Variants in DOCK9 observed in about 807,000 individuals in gnomAD.
The protein encoded by DOCK9 is dedicator of cytokinesis protein 9.
In DOCK9, 89 loss-of-function variants were observed where a neutral mutation model predicts 263.3. The ratio of observed to expected loss-of-function variants is 0.34; its 90% confidence interval spans 0.28 to 0.40. The LOEUF (loss-of-function observed/expected upper bound fraction) is 0.40, where lower values mean the gene tolerates loss of function less well. DOCK9 is among the 10% of genes least tolerant of loss of function. The pLI is 1.00. For synonymous variants in DOCK9, 976 were observed against 973.1 expected, an observed-to-expected ratio of 1.00 and a Z score of -0.06; for missense variants, 2,140 against 2,603.4, an observed-to-expected ratio of 0.82 and a Z score of 3.87.
At chr13:99,075,130 C>T (rs1338480478) in intron 1 of DOCK9, among the ~76,000 whole-genome samples, 1 of 152,010 alleles carries the variant, frequency 6.6e-6, no homozygotes, top group East Asian at 1.9e-4. Flanking sequence ...ATTTGTGTAT[C>T]ATTTACAGTA....
intron 9 of DOCK9, among the ~76,000 whole-genome samples, chr13:98,911,282 C>A (rs187724346): frequency 1.3e-5 from 2 of 152,320 alleles, no homozygotes; most frequent in Admixed American, 1.3e-4. Context: ...ATTCATTTTT[C>A]AGGTTTTGAC....
intron 1 of DOCK9, among the ~76,000 whole-genome samples, chr13:98,972,192 T>C (rs1203217242): frequency 6.6e-6 from 1 of 151,938 alleles, no homozygotes; most frequent in African/African-American, 2.4e-5. Context: ...CCTCCTAGAG[T>C]TGTGAGGATT....
chr13:98,846,923 C>CCTG, intron 37 of DOCK9: 1 of 275,932 alleles, frequency 3.6e-6, no homozygotes, highest in Non-Finnish European at 7.1e-6. Flanking sequence ...CAGAGCATAT[C>CCTG]TTTCCACAGT....
At chr13:98,888,971 G>A (rs2046218729) in intron 15 of DOCK9, among the ~76,000 whole-genome samples, 1 of 152,148 alleles carries the variant, frequency 6.6e-6, no homozygotes, top group Admixed American at 6.5e-5. Context: ...TTTAAAACCA[G>A]ATATGTATTA....
intron 1 of DOCK9, among the ~76,000 whole-genome samples, chr13:99,080,904 C>T (rs2042098649): frequency 6.6e-6 from 1 of 152,210 alleles, no homozygotes; most frequent in Admixed American, 6.5e-5. Context: ...AGCAGGGAGC[C>T]CTGCCCCAGG....
At position 98,863,039 on chromosome 13, in the gene DOCK9, A is replaced by G; in HGVS notation, c.3559T>C (p.Phe1187Leu). The G allele has an allele frequency of 6.2e-7, 1 of 1,609,742 alleles. No individual in the cohort carries two copies. Among genetic ancestry groups the G allele is most frequent in the Non-Finnish European group, 8.5e-7 (1 of 1,178,172 alleles). ...QRINVRDVSP[F>L]PVNAGMTVKD... ...CGTACCATGCCCGCGTTCACAGGGA[A>G]GGGTGACACATCCCTCACATTGATC... Residue 1187 changes from phenylalanine to leucine, a missense_variant, in exon 32 of 53, where the codon TTC (phenylalanine) becomes CTC (leucine). Phe to Leu is a conservative substitution (Grantham distance 22). Around this residue, in one of 2 missense-constraint regions of DOCK9, gnomAD observed 1,521 missense variants for 1,741.7 expected, o/e 0.87. Transcript: ENST00000682017.
intron 49 of DOCK9, among the ~76,000 whole-genome samples, chr13:98,801,166 G>A (rs2090065613): frequency 6.6e-6 from 1 of 152,178 alleles, no homozygotes; most frequent in Non-Finnish European, 1.5e-5. Flanking sequence ...GTATATGCCT[G>A]TAGTCCCAGC....
At chr13:98,848,013 T>C (rs1594637897) in intron 37 of DOCK9, among the ~76,000 whole-genome samples, 1 of 152,190 alleles carries the variant, frequency 6.6e-6, no homozygotes, top group East Asian at 1.9e-4. Flanking sequence ...GTGACGCTAC[T>C]CACCAGGGAG....
At chr13:98,984,749 A>T (rs1878040317) in intron 1 of DOCK9, among the ~76,000 whole-genome samples, 1 of 152,160 alleles carries the variant, frequency 6.6e-6, no homozygotes, top group African/African-American at 2.4e-5. Flanking sequence ...CATTAGAAAA[A>T]GTCACTTCAC....
At chr13:99,052,828 T>C (rs2040762758) in intron 1 of DOCK9, among the ~76,000 whole-genome samples, 1 of 152,098 alleles carries the variant, frequency 6.6e-6, no homozygotes. Flanking sequence ...TCTTTGCCCA[T>C]TTTTTAACTG....
chr13:98,820,464 A>G (rs1370522397), intron 45 of DOCK9, among the ~76,000 whole-genome samples: 1 of 152,224 alleles, frequency 6.6e-6, no homozygotes, highest in East Asian at 1.9e-4. Flanking sequence ...TAGTGTAAGA[A>G]AGAATTCAGG....
intron 1 of DOCK9, among the ~76,000 whole-genome samples, chr13:98,973,204 G>A (rs1268670661): frequency 6.6e-6 from 1 of 152,172 alleles, no homozygotes; most frequent in Non-Finnish European, 1.5e-5. Context: ...AGGGCAGAAA[G>A]GCTATTGTCT....
Position 98,829,813 on chromosome 13 carries a change from G to T in DOCK9, c.4636-57C>A, listed in dbSNP as rs1227926688. On this transcript the variant is annotated intron_variant, in intron 41 of 52. Coordinates refer to ENST00000682017, the MANE Select transcript of DOCK9 (RefSeq NM_001366683.2). This position sits in a 1 kb window ranked among gnomAD's most constrained non-coding sequence, Gnocchi z 4.1. ...TTACCTTCAAATGACTGCCCAGGCT[G>T]GGCTTCTGCGTTCAGTTAGGATGTG... The T allele has an allele frequency of 4.1e-6, 6 of 1,465,954 alleles. No homozygotes were observed. The highest frequency in any genetic ancestry group is 5.6e-6 in the Non-Finnish European group (6 of 1,069,356). The allele number at this position is 1,465,954 out of a possible 1,614,324, so 90.8% of individuals were successfully genotyped here.
chr13:99,047,944 G>A (rs2040512995), intron 1 of DOCK9, among the ~76,000 whole-genome samples: 1 of 151,986 alleles, frequency 6.6e-6, no homozygotes, highest in Non-Finnish European at 1.5e-5. Context: ...CTGCCCTCCT[G>A]TATAATACCC....
chr13:99,015,011 C>T (rs564504611), intron 1 of DOCK9, among the ~76,000 whole-genome samples: 17 of 152,322 alleles, frequency 1.1e-4, no homozygotes, highest in Admixed American at 2.6e-4. Flanking sequence ...TTCTCCCCCC[C>T]GCATCAAGGA....
intron 30 of DOCK9, among the ~76,000 whole-genome samples, chr13:98,865,519 G>A (rs1188785157): frequency 6.6e-6 from 1 of 152,220 alleles, no homozygotes; most frequent in African/African-American, 2.4e-5. Flanking sequence ...TGTCAGTGTA[G>A]TAAGGCAAAT....
Position 98,794,317 on chromosome 13 carries a change from T to C in DOCK9, c.*309A>G. The C allele has an allele frequency of 3.4e-6, 1 of 295,784 alleles. No homozygotes were observed. Among genetic ancestry groups the C allele is most frequent in the African/African-American group, 2.1e-5 (1 of 46,596 alleles). 18.3% of individuals were successfully genotyped at this position (295,784 alleles called of 1,614,324 possible). On this transcript the variant is annotated 3_prime_UTR_variant, in exon 53 of 53. Transcript: ENST00000682017. ...TAGATCCCAGAACCTTTTTTTTCTG[T>C]AGGCCATCTATTCTAACACTACTCT...
intron 1 of DOCK9, among the ~76,000 whole-genome samples, chr13:99,054,276 C>G (rs947658706): frequency 6.6e-5 from 10 of 152,184 alleles, no homozygotes; most frequent in Admixed American, 2.0e-4. Flanking sequence ...CATTACTCTC[C>G]ATGCTCTGAG....
At chr13:98,950,855 TC>T (rs1444732457) in intron 2 of DOCK9, among the ~76,000 whole-genome samples, 1 of 152,106 alleles carries the variant, frequency 6.6e-6, no homozygotes, top group Non-Finnish European at 1.5e-5. Context: ...GTTAACAATG[TC>T]CCCACCAACA....
Sources: gnomAD v4.1 joint callset for allele counts (sites outside exome capture counted in the v4.1 genomes callset) on GRCh38, gnomAD v4.1.1 for gene constraint, gnomAD v4.1.1 regional missense constraint, Gnocchi (gnomAD v3.1) non-coding constraint, MANE v1.5 for transcripts, NCBI Gene and HGNC (gene_info 2026-07-23, HGNC 2026-07-21) for gene names.